Variants in LMTK2 observed in about 807,000 individuals in gnomAD.
LMTK2 encodes serine/threonine-protein kinase LMTK2.
In LMTK2, 37 loss-of-function variants were observed where a neutral mutation model predicts 127.5. The ratio of observed to expected loss-of-function variants is 0.29; its 90% CI spans 0.22 to 0.38. The LOEUF is 0.38. Ranked by LOEUF, LMTK2 falls within the 10% of genes least tolerant of loss-of-function variation. The probability of loss-of-function intolerance (pLI) is 1.00; values close to 1 mark genes in which losing one functional copy is unlikely to be tolerated. For synonymous variants in LMTK2, 819 were observed against 810.1 expected, an observed-to-expected ratio of 1.01 and a Z score of -0.19; for missense variants, 1,694 against 1,920.3, an observed-to-expected ratio of 0.88 and a Z score of 2.20.
In LMTK2 at chr7:98,208,545, A is replaced by G. The variant is rs116357652; in HGVS notation, c.*3053A>G. ...TTTTCTGGCCTTCTATGGGGTAGCAACCCAGAATCAATCTGAATTAGTCCT... is the reference window on the plus strand; with the variant it reads ...TTTTCTGGCCTTCTATGGGGTAGCAGCCCAGAATCAATCTGAATTAGTCCT... On this transcript the variant is annotated 3_prime_UTR_variant, in exon 14 of 14. Coordinates refer to ENST00000297293, the MANE Select transcript of LMTK2 (RefSeq NM_014916.4). 11 of 152,350 alleles carry G rather than the reference A, an allele frequency of 7.2e-5. No individual in the cohort carries two copies. In the South Asian group the frequency reaches 2.3e-3, roughly 32 times the overall value. 9.4% of individuals were successfully genotyped at this position (152,350 alleles called of 1,614,324 possible). A position where few individuals can be genotyped will look rare whatever the true frequency, so the allele number is the denominator to read the frequency against.
intron 3 of LMTK2, among the ~76,000 whole-genome samples, chr7:98,148,876 G>A (rs1796810150): frequency 6.6e-6 from 1 of 152,144 alleles, no homozygotes; most frequent in Non-Finnish European, 1.5e-5. Flanking sequence ...CAGCCTTTCT[G>A]AGTACGCATC....
intron 4 of LMTK2, 114 bp from the exon 5 acceptor site, chr7:98,154,644 A>C: frequency 1.5e-6 from 1 of 675,632 alleles, no homozygotes; most frequent in Non-Finnish European, 2.6e-6. Context: ...AAAGAATAGA[A>C]GGTCACCTGC....
chr7:98,145,290 A>T (rs979939284), intron 3 of LMTK2, among the ~76,000 whole-genome samples: 3 of 151,868 alleles, frequency 2.0e-5, no homozygotes, highest in Admixed American at 2.0e-4. Flanking sequence ...AAAAAAAAAA[A>T]ATCAATCACA....
At chr7:98,138,174 G>A (rs899866978) in intron 2 of LMTK2, among the ~76,000 whole-genome samples, 6 of 152,168 alleles carry the variant, frequency 3.9e-5, no homozygotes, top group African/African-American at 1.4e-4. Context: ...ATACATGGGG[G>A]GGAGAAGGAA....
Position 98,136,085 on chromosome 7 carries a change from A to G in LMTK2, c.104-1230A>G, listed in dbSNP as rs143515715. 1.5e-4 allele frequency among the ~76,000 whole-genome samples: 23 copies of G among 152,214 alleles called. No homozygotes were observed. In the Middle Eastern group the frequency reaches 0.02, roughly 135 times the overall value. On this transcript the variant is annotated intron_variant, in intron 1 of 13. Transcript: ENST00000297293. ...TTCCTGTCGTGCCCGGAAGTAAGGAAGAGTTGGAGAAAAAGGGAAGGATGG... is the reference window on the plus strand; with the variant it reads ...TTCCTGTCGTGCCCGGAAGTAAGGAGGAGTTGGAGAAAAAGGGAAGGATGG...
Position 98,204,100 on chromosome 7 carries a change from C to A in LMTK2, c.4397C>A (p.Ala1466Glu), listed in dbSNP as rs756034075. ...RSTEQSWPHS[A>E]PYSRFSISPA... Reference sequence around the variant, plus strand: ...ACGGAGCAGAGCTGGCCGCACTCGGCGCCTTACTCCCGGTTCTCCATCTCT... The same window carrying A: ...ACGGAGCAGAGCTGGCCGCACTCGGAGCCTTACTCCCGGTTCTCCATCTCT... The change falls in exon 13 of 14, where the codon GCG becomes GAG. Residue 1466 changes from alanine to glutamate, a missense_variant. Ala to Glu is a moderately radical substitution (Grantham distance 107). Coordinates refer to ENST00000297293, the MANE Select transcript of LMTK2 (RefSeq NM_014916.4). 6.2e-7 allele frequency: 1 copy of A among 1,613,206 alleles called. No homozygotes were observed.
At chr7:98,144,302 G>A (rs961363748) in intron 3 of LMTK2, among the ~76,000 whole-genome samples, 19 of 151,866 alleles carry the variant, frequency 1.3e-4, no homozygotes, top group Admixed American at 7.2e-4. Flanking sequence ...GCATGGTGAC[G>A]GGCGCCTGTA....
intron 7 of LMTK2, among the ~76,000 whole-genome samples, chr7:98,178,128 G>T (rs1340489692): frequency 1.3e-5 from 2 of 152,202 alleles, no homozygotes; most frequent in African/African-American, 4.8e-5. Flanking sequence ...GCCCTGGAGT[G>T]CTGTTGTCAA....
intron 11 of LMTK2, among the ~76,000 whole-genome samples, chr7:98,199,747 G>A (rs558309027): frequency 1.2e-4 from 19 of 152,276 alleles, no homozygotes; most frequent in Admixed American, 6.5e-5. Flanking sequence ...CGCCCGCCTC[G>A]GTCTTCGAAA....
At chr7:98,151,488 C>T in intron 4 of LMTK2, 33 bp downstream of exon 4, 1 of 1,472,356 alleles carries the variant, frequency 6.8e-7, no homozygotes, top group Non-Finnish European at 9.5e-7. Flanking sequence ...TTGTTTTCCT[C>T]TGAATGATAC....
At chr7:98,121,324 C>A (rs1796358053) in intron 1 of LMTK2, among the ~76,000 whole-genome samples, 1 of 152,114 alleles carries the variant, frequency 6.6e-6, no homozygotes, top group Non-Finnish European at 1.5e-5. Context: ...AAAGAAAATG[C>A]CATATTGAAA....
intron 9 of LMTK2, among the ~76,000 whole-genome samples, chr7:98,189,239 C>T (rs1415574098): frequency 5.3e-5 from 8 of 152,146 alleles, no homozygotes; most frequent in Non-Finnish European, 1.2e-4. Flanking sequence ...CTCTTACTTG[C>T]CCTTACCTGG....
At chr7:98,177,551 G>A (rs1562915692) in intron 7 of LMTK2, among the ~76,000 whole-genome samples, 1 of 152,198 alleles carries the variant, frequency 6.6e-6, no homozygotes, top group Non-Finnish European at 1.5e-5. Flanking sequence ...GCTTGAGTGA[G>A]TGCAGTGGCA....
rs1202278540 is a variant in LMTK2, at chr7:98,194,119, G to A, written c.3654G>A (p.Gln1218=). The change falls in exon 11 of 14, where the codon CAG becomes CAA. Residue 1218 remains glutamine (Q), a synonymous_variant. Coordinates refer to ENST00000297293, the MANE Select transcript of LMTK2 (RefSeq NM_014916.4). This position sits in a 1 kb window ranked among gnomAD's most constrained non-coding sequence, Gnocchi z 5.4. ...ELSSGDDFET[Q]DDRPCTLAST... The stretch of plus-strand genomic sequence containing the variant: ...GCAGCGGCGATGACTTCGAGACACA[G>A]GACGATCGCCCCTGCACCCTCGCTT... 5.0e-6 allele frequency: 8 copies of A among 1,614,004 alleles called. 1 individual carries two copies. The South Asian group carries it at 7.7e-5, about 16-fold the overall frequency.
Position 98,106,975 on chromosome 7 carries a change from G to T in LMTK2, c.-203G>T, listed in dbSNP as rs1584235177. On this transcript the variant is annotated 5_prime_UTR_variant, in exon 1 of 14. Coordinates refer to ENST00000297293, the MANE Select transcript of LMTK2 (RefSeq NM_014916.4). ...GGCGGCGGCGGCGGCGCAGGCGGGCGGGAAGGATGGTGTTTCTGCGACTGG... is the reference window on the plus strand; with the variant it reads ...GGCGGCGGCGGCGGCGCAGGCGGGCTGGAAGGATGGTGTTTCTGCGACTGG... 6 of 461,060 alleles carry T rather than the reference G, an allele frequency of 1.3e-5. No individual in the cohort carries two copies. The East Asian group carries it at 2.1e-4, about 16-fold the overall frequency. The allele number at this position is 461,060 out of a possible 1,614,324, so 28.6% of individuals were successfully genotyped here. A position where few individuals can be genotyped will look rare whatever the true frequency, so the allele number is the denominator to read the frequency against.
intron 3 of LMTK2, among the ~76,000 whole-genome samples, chr7:98,148,817 T>TTG (rs1402677812): frequency 6.6e-6 from 1 of 152,230 alleles, no homozygotes; most frequent in African/African-American, 2.4e-5. Flanking sequence ...CACTTCCTTC[T>TTG]TGTGTTGGGC....
intron 9 of LMTK2, 140 bp from the exon 10 acceptor site, chr7:98,190,588 A>G (rs1165154517): frequency 2.3e-6 from 2 of 854,524 alleles, no homozygotes; most frequent in African/African-American, 3.4e-5. Context: ...TTAAAACAAC[A>G]ACAACAACAA....
chr7:98,145,460 A>T (rs1358726512), intron 3 of LMTK2, among the ~76,000 whole-genome samples: 7 of 152,106 alleles, frequency 4.6e-5, no homozygotes, highest in East Asian at 1.9e-4. Context: ...ATACCTTTTT[A>T]AAAAATATTT....
intron 1 of LMTK2, among the ~76,000 whole-genome samples, chr7:98,136,698 A>G (rs543872468): frequency 6.6e-6 from 1 of 152,374 alleles, no homozygotes; most frequent in South Asian, 2.1e-4. Context: ...CTGCTGTGCA[A>G]GCAGGACAGT....
Sources: gnomAD v4.1 joint callset for allele counts (sites outside exome capture counted in the v4.1 genomes callset) on GRCh38, gnomAD v4.1.1 for gene constraint, Gnocchi (gnomAD v3.1) non-coding constraint, MANE v1.5 for transcripts, NCBI Gene and HGNC (gene_info 2026-07-23, HGNC 2026-07-21) for gene names.